The following BAIAP2L2 variants were observed in gnomAD, a reference collection of about 807,000 sequenced individuals.
The protein encoded by BAIAP2L2 is BAR/IMD domain containing adaptor protein 2 like 2.
BAIAP2L2 carries 65 observed loss-of-function variants against 60.4 expected under a neutral mutation model. That is an observed-to-expected ratio of 1.08 (90% CI 0.88 to 1.32). The LOEUF (loss-of-function observed/expected upper bound fraction) is 1.32, where lower values mean the gene tolerates loss of function less well. Ranked by LOEUF, BAIAP2L2 falls within the 40% of genes most tolerant of loss-of-function variation. The pLI, the probability that BAIAP2L2 is intolerant of heterozygous loss-of-function variation, is 0.00. For synonymous variants in BAIAP2L2, 344 were observed against 301.7 expected (o/e 1.14, Z -1.45); for missense variants, 836 against 741.2 (o/e 1.13, Z -1.48).
chr22:38,105,855 G>A (rs1390748277), intron 4 of BAIAP2L2, among the ~76,000 whole-genome samples: 2 of 152,192 alleles, frequency 1.3e-5, no homozygotes, highest in Non-Finnish European at 2.9e-5. Flanking sequence ...CCTGGCACAG[G>A]GCAGTCAGTA....
At chr22:38,089,481 G>A (rs944347803) in intron 8 of BAIAP2L2, 41 bp downstream of exon 8, 11 of 1,141,496 alleles carry the variant, frequency 9.6e-6, no homozygotes, top group Non-Finnish European at 9.8e-6. Flanking sequence ...CGCGGGGGGC[G>A]GCGGGGGCGC....
upstream of BAIAP2L2, chr22:38,110,808 A>G: frequency 2.2e-6 from 1 of 462,814 alleles, no homozygotes; most frequent in Non-Finnish European, 3.8e-6. Flanking sequence ...CACCCCTTGG[A>G]GCTGTGGGCT....
chr22:38,108,158 C>T (rs1016928666), intron 3 of BAIAP2L2, 97 bp downstream of exon 3: 1 of 1,218,506 alleles, frequency 8.2e-7, no homozygotes, highest in Non-Finnish European at 1.2e-6. Flanking sequence ...GGGCCCTGGG[C>T]TGAAAGGCCT....
At chr22:38,109,321 G>A (rs763895548) in intron 1 of BAIAP2L2, 113 bp from the exon 2 acceptor site, 8 of 824,944 alleles carry the variant, frequency 9.7e-6, no homozygotes, top group East Asian at 5.3e-5. Context: ...AGCCCAGTGA[G>A]AAGCCCCAGA....
At chr22:38,087,893 C>T (rs1601989933) in intron 10 of BAIAP2L2, among the ~76,000 whole-genome samples, 1 of 150,804 alleles carries the variant, frequency 6.6e-6, no homozygotes, top group South Asian at 2.1e-4. Flanking sequence ...GTCAGTGACC[C>T]CCCCCCCGCC....
chr22:38,108,868 G>A lies in BAIAP2L2; in HGVS notation c.127+265C>T, dbSNP rs79297582. Among the ~76,000 whole-genome samples the A allele has an allele frequency of 2.5e-3, 377 of 152,114 alleles. 1 individual carries two copies. Among genetic ancestry groups the A allele is most frequent in the African/African-American group, 8.9e-3 (367 of 41,460 alleles). On this transcript the variant is annotated intron_variant, in intron 2 of 13. Transcript: ENST00000381669. ...GGGGCTGTGTGGGCCTGCAGGGCCT[G>A]GTACTGCATCATGGGAGTGTCTGGA...
intron 8 of BAIAP2L2, 119 bp downstream of exon 8, chr22:38,089,403 G>T: frequency 1.6e-6 from 1 of 619,226 alleles, no homozygotes; most frequent in Non-Finnish European, 2.3e-6. Context: ...CAGGCCGGGG[G>T]ATGCAGCGTA....
At chr22:38,089,918 C>G (rs1477316158) in intron 7 of BAIAP2L2, among the ~76,000 whole-genome samples, 1 of 152,006 alleles carries the variant, frequency 6.6e-6, no homozygotes, top group African/African-American at 2.4e-5. Context: ...AATGTGTGTG[C>G]TTTGAGCGGG....
intron 1 of BAIAP2L2, 40 bp downstream of exon 1, chr22:38,110,435 A>G (rs2086820631): frequency 6.3e-7 from 1 of 1,595,610 alleles, no homozygotes. Flanking sequence ...GTGCCCTGGG[A>G]GGAGGGGCTC....
At chr22:38,108,582 G>A (rs1474471895) in intron 2 of BAIAP2L2, among the ~76,000 whole-genome samples, 1 of 152,170 alleles carries the variant, frequency 6.6e-6, no homozygotes, top group East Asian at 1.9e-4. Flanking sequence ...AGGCCCTGAG[G>A]TTCAGGGTTG....
At chr22:38,106,624 T>G (rs972181990) in intron 4 of BAIAP2L2, among the ~76,000 whole-genome samples, 1 of 151,658 alleles carries the variant, frequency 6.6e-6, no homozygotes, top group Non-Finnish European at 1.5e-5. Flanking sequence ...GGGGCTCCCC[T>G]TCACACATTG....
At chr22:38,091,273 G>C (rs1384184279) in intron 7 of BAIAP2L2, 1 of 152,210 alleles carries the variant, frequency 6.6e-6, no homozygotes, top group African/African-American at 2.4e-5. Context: ...GGCCAGGCTG[G>C]TCTCAAAGTC....
chr22:38,104,618 C>T (rs1032732853), intron 4 of BAIAP2L2, among the ~76,000 whole-genome samples: 20 of 151,874 alleles, frequency 1.3e-4, no homozygotes, highest in African/African-American at 4.8e-4. Flanking sequence ...GCCTCAGCCT[C>T]CCGAGTAGCT....
At chr22:38,095,515 C>A (rs2086407653) in intron 7 of BAIAP2L2, among the ~76,000 whole-genome samples, 1 of 152,136 alleles carries the variant, frequency 6.6e-6, no homozygotes, top group Non-Finnish European at 1.5e-5. Context: ...CAAGTGCCTG[C>A]CACCACGCCC....
intron 7 of BAIAP2L2, among the ~76,000 whole-genome samples, chr22:38,093,659 G>A (rs1434448997): frequency 6.6e-6 from 1 of 152,210 alleles, no homozygotes; most frequent in Admixed American, 6.5e-5. Flanking sequence ...ATTGCAATCA[G>A]ATATCGCTTC....
chr22:38,097,059 G>A lies in BAIAP2L2; in HGVS notation c.585C>T (p.Ser195=), dbSNP rs750948908. ...GGCCGAAGAACTGCAGGAAGGTGTT[G>A]GAAAGTAGCAGGTGCTTCTCTGCTA... is the stretch of plus-strand genomic sequence containing the variant. ...RFLAEKHLLL[S]NTFLQFFGRA... The change falls in exon 7 of 14, where the codon TCC becomes TCT. Residue 195 remains serine, a synonymous_variant. Coordinates refer to ENST00000381669, the MANE Select transcript of BAIAP2L2 (RefSeq NM_025045.6). 4 of 1,613,896 alleles carry A rather than the reference G, an allele frequency of 2.5e-6. No individual in the cohort carries two copies. The highest frequency in any genetic ancestry group is 2.2e-5 in the East Asian group (1 of 44,870).
chr22:38,108,322 C>T lies in BAIAP2L2; in HGVS notation c.147G>A (p.Glu49=). 6.2e-7 allele frequency: 1 copy of T among 1,612,518 alleles called. No homozygotes were observed. The highest frequency in any genetic ancestry group is 8.5e-7 in the Non-Finnish European group (1 of 1,179,842). Residue 49 remains glutamate, a synonymous_variant, in exon 3 of 14, where the codon GAG becomes GAA. Transcript: ENST00000381669. ...TCTTCTGGATGGCACTGAAGTAGAC[C>T]TCGGCCGCCTCGGACAGAGCTGTGG... ...RAFHALSEAA[E]VYFSAIQKIG...
At chr22:38,098,024 C>CCCCCCTTCTT in intron 6 of BAIAP2L2, 39 bp downstream of exon 6, 1 of 970,808 alleles carries the variant, frequency 1.0e-6, no homozygotes. Flanking sequence ...TCTGCCCACC[C>CCCCCCTTCTT]GCCCTTCCTG....
chr22:38,091,302 C>T (rs565257346), intron 7 of BAIAP2L2: 2 of 152,182 alleles, frequency 1.3e-5, no homozygotes, highest in African/African-American at 2.4e-5. Flanking sequence ...GTGATCCACC[C>T]GCCTTAGCCT....
Sources: gnomAD v4.1 joint callset for allele counts (sites outside exome capture counted in the v4.1 genomes callset) on GRCh38, gnomAD v4.1.1 for gene constraint, MANE v1.5 for transcripts, NCBI Gene and HGNC (gene_info 2026-07-23, HGNC 2026-07-21) for gene names.